GPD2: variants seen among roughly 807,000 people sequenced by gnomAD.
GPD2 encodes the protein glycerol-3-phosphate dehydrogenase 2.
A neutral mutation model predicts 82.4 loss-of-function variants in GPD2; 54 were observed. The observed-to-expected ratio is 0.66, with a 90% confidence interval of 0.53 to 0.82. The LOEUF (loss-of-function observed/expected upper bound fraction) is 0.82, where lower values mean the gene tolerates loss of function less well. Ranked by LOEUF, GPD2 falls within the 40% of genes least tolerant of loss-of-function variation. The probability of loss-of-function intolerance (pLI) is 0.00; values close to 1 mark genes in which losing one functional copy is unlikely to be tolerated. For synonymous variants in GPD2, 288 were observed against 306.1 expected (o/e 0.94, Z 0.62); for missense variants, 748 against 896.2 (o/e 0.83, Z 2.11).
chr2:156,528,984 C>G (rs1160982313), intron 6 of GPD2, among the ~76,000 whole-genome samples: 4 of 151,818 alleles, frequency 2.6e-5, no homozygotes, highest in Non-Finnish European at 5.9e-5. Context: ...AATGGTATTT[C>G]TAGTTCTAGA....
At chr2:156,496,259 C>T (rs575600672) in intron 3 of GPD2, 44 bp downstream of exon 3, 10 of 1,369,844 alleles carry the variant, frequency 7.3e-6, no homozygotes, top group Non-Finnish European at 8.2e-6. Context: ...TTCTGGGGTA[C>T]ATGTGCAGGA....
rs1317054099 is a variant in GPD2 at position 156,571,271 on chromosome 2, T to A, written c.1746T>A (p.Asn582Lys). 1.2e-6 allele frequency: 2 copies of A among 1,606,904 alleles called. No homozygotes were observed. Among genetic ancestry groups the A allele is most frequent in the Non-Finnish European group, 1.7e-6 (2 of 1,175,900 alleles). The change falls in exon 13 of 17, where the codon AAT (asparagine) becomes AAA (lysine). Residue 582 changes from asparagine (N) to lysine (K), a missense_variant. Physicochemically the swap from Asn to Lys is moderately conservative, Grantham distance 94. Coordinates refer to ENST00000438166, the MANE Select transcript of GPD2 (RefSeq NM_000408.5). The part of the protein sequence containing the change: ...RIVELMGREL[N>K]WDDYKKQEQL... ...TTGAACTGATGGGCAGGGAACTGAATTGGGATGATTATAAGAAGCAGGTAT... is the reference window on the plus strand; with the variant it reads ...TTGAACTGATGGGCAGGGAACTGAAATGGGATGATTATAAGAAGCAGGTAT...
intron 6 of GPD2, among the ~76,000 whole-genome samples, chr2:156,532,428 T>C (rs1315254619): frequency 1.6e-4 from 25 of 152,218 alleles, no homozygotes; most frequent in Admixed American, 1.6e-3. Context: ...TTATCTATGA[T>C]TGGACTTTTT....
intron 1 of GPD2, among the ~76,000 whole-genome samples, chr2:156,461,660 A>C (rs1682993604): frequency 6.6e-6 from 1 of 152,224 alleles, no homozygotes; most frequent in Non-Finnish European, 1.5e-5. Flanking sequence ...GATTACAGGC[A>C]TGAGCCATCA....
intron 2 of GPD2, among the ~76,000 whole-genome samples, chr2:156,494,333 G>C (rs1684293386): frequency 1.3e-5 from 2 of 152,116 alleles, no homozygotes; most frequent in African/African-American, 4.8e-5. Flanking sequence ...TTCAGACTGA[G>C]GATAATCCAA....
At chr2:156,550,207 T>G (rs1476269522) in intron 7 of GPD2, among the ~76,000 whole-genome samples, 1 of 152,246 alleles carries the variant, frequency 6.6e-6, no homozygotes, top group East Asian at 1.9e-4. Flanking sequence ...GTAGGCAGTT[T>G]CCAAATTATA....
chr2:156,461,888 A>G (rs1383369519), intron 1 of GPD2, among the ~76,000 whole-genome samples: 3 of 152,116 alleles, frequency 2.0e-5, no homozygotes, highest in South Asian at 4.1e-4. Flanking sequence ...ACCTGAACCA[A>G]TGCTCCTCCT....
intron 2 of GPD2, among the ~76,000 whole-genome samples, chr2:156,485,049 A>G (rs954532638): frequency 1.3e-5 from 2 of 152,220 alleles, no homozygotes; most frequent in Non-Finnish European, 2.9e-5. Context: ...TTCACTTAGC[A>G]TAATGTCCTC....
the GPD2 span, among the ~76,000 whole-genome samples, chr2:156,422,001 C>T: frequency 0.72 from 108,908 of 152,012 alleles, 39,404 homozygotes; most frequent in South Asian, 0.82. Flanking sequence ...GTGGTGCATA[C>T]CTGTGGTCCC....
intron 1 of GPD2, among the ~76,000 whole-genome samples, chr2:156,451,726 G>A (rs1428508644): frequency 1.4e-5 from 2 of 144,428 alleles, no homozygotes; most frequent in African/African-American, 2.6e-5. Context: ...CGGACGGGGC[G>A]GCTGGCCGGG....
At chr2:156,494,856 G>GA (rs1270158582) in intron 2 of GPD2, among the ~76,000 whole-genome samples, 2 of 152,098 alleles carry the variant, frequency 1.3e-5, no homozygotes, top group Admixed American at 6.6e-5. Context: ...TAGCATTTTG[G>GA]AAAAAAACCA....
intron 1 of GPD2, among the ~76,000 whole-genome samples, chr2:156,455,463 C>G (rs1183344566): frequency 6.6e-6 from 1 of 152,170 alleles, no homozygotes; most frequent in Non-Finnish European, 1.5e-5. Context: ...TCCTTTGACT[C>G]GTATATAAGA....
intron 1 of GPD2, among the ~76,000 whole-genome samples, chr2:156,454,551 G>T (rs901959408): frequency 1.3e-5 from 2 of 152,046 alleles, no homozygotes; most frequent in Non-Finnish European, 2.9e-5. Flanking sequence ...GGAAAATAGT[G>T]TTATTAGTGT....
intron 6 of GPD2, among the ~76,000 whole-genome samples, chr2:156,548,387 C>T (rs1390925931): frequency 6.6e-6 from 1 of 152,054 alleles, no homozygotes; most frequent in African/African-American, 2.4e-5. Context: ...GATAAAATAA[C>T]TCCTTATTTT....
chr2:156,490,400 AAC>A (rs1491281201), intron 2 of GPD2, among the ~76,000 whole-genome samples: 15 of 151,982 alleles, frequency 9.9e-5, no homozygotes, highest in African/African-American at 3.6e-4. Context: ...AAAAAAAAAA[AAC>A]AAAAATAAAA....
At chr2:156,408,434 G>A in the GPD2 span, among the ~76,000 whole-genome samples, 1 of 152,112 alleles carries the variant, frequency 6.6e-6, no homozygotes, top group African/African-American at 2.4e-5. Context: ...GGTTAGAAAT[G>A]CTGACTGCAG....
chr2:156,473,710 G>A (rs1233906237), intron 1 of GPD2: 2 of 152,216 alleles, frequency 1.3e-5, no homozygotes, highest in African/African-American at 2.4e-5. Context: ...CCTTGAGATA[G>A]CATGCTATCT....
intron 8 of GPD2, among the ~76,000 whole-genome samples, chr2:156,553,401 A>G (rs1686838254): frequency 6.6e-6 from 1 of 152,128 alleles, no homozygotes; most frequent in Non-Finnish European, 1.5e-5. Flanking sequence ...TAAAACTTTA[A>G]TGTAACATTT....
intron 1 of GPD2, among the ~76,000 whole-genome samples, chr2:156,465,416 C>T (rs1346014460): frequency 7.0e-6 from 1 of 141,980 alleles, no homozygotes; most frequent in African/African-American, 2.6e-5. Flanking sequence ...TGCTGGAGTG[C>T]AGTGGTGCCC....
Sources: gnomAD v4.1 joint callset for allele counts (sites outside exome capture counted in the v4.1 genomes callset) on GRCh38, gnomAD v4.1.1 for gene constraint, MANE v1.5 for transcripts, NCBI Gene and HGNC (gene_info 2026-07-23, HGNC 2026-07-21) for gene names.